The following PRUNE2 variants were observed in gnomAD, a reference collection of about 807,000 sequenced individuals.
The protein encoded by PRUNE2 is protein prune homolog 2.
Under a neutral mutation model 252.0 loss-of-function variants are expected in PRUNE2, and 164 were observed. The ratio of observed to expected loss-of-function variants is 0.65; its 90% confidence interval spans 0.57 to 0.74. PRUNE2 has a LOEUF of 0.74. Among genes scored for constraint, PRUNE2 ranks in the 30% least tolerant of loss-of-function variants. The pLI, the probability that PRUNE2 is intolerant of heterozygous loss-of-function variation, is 0.00. For synonymous variants in PRUNE2, 1,292 were observed against 1,350.2 expected, an observed-to-expected ratio of 0.96 and a Z score of 0.94; for missense variants, 3,495 against 3,711.0, an observed-to-expected ratio of 0.94 and a Z score of 1.51.
chr9:76,709,008 T>C lies in PRUNE2; in HGVS notation c.3266A>G (p.Asn1089Ser), dbSNP rs558408897. ...AAGTGTGAGTTGTCGGTTTGTTTCA[T>C]TGTACAGTTGCATCATGCTGGGGTC... The part of the protein sequence containing the change: ...YDDPSMMQLY[N>S]ETNRQLTLLH... The change falls in exon 8 of 19, where the codon AAT (asparagine) becomes AGT (serine). Residue 1089 changes from asparagine (N) to serine (S), a missense_variant. By Grantham distance (46) the Asn-to-Ser change is conservative. Coordinates refer to ENST00000376718, the MANE Select transcript of PRUNE2 (RefSeq NM_015225.3). 841 of 1,614,052 alleles carry C rather than the reference T, an allele frequency of 5.2e-4. 9 individuals carry two copies. In the South Asian group the frequency reaches 7.3e-3, roughly 14 times the overall value.
chr9:76,843,054 A>G (rs2059478079), intron 4 of PRUNE2, among the ~76,000 whole-genome samples: 1 of 151,526 alleles, frequency 6.6e-6, no homozygotes, highest in African/African-American at 2.4e-5. Flanking sequence ...CTATTCACAA[A>G]GACTTGGAAC....
At chr9:76,763,904 T>A (rs2052023925) in intron 6 of PRUNE2, among the ~76,000 whole-genome samples, 1 of 152,222 alleles carries the variant, frequency 6.6e-6, no homozygotes. Flanking sequence ...TGCCATGGAC[T>A]AAGCACTTCG....
Position 76,711,107 on chromosome 9 carries a change from A to G in PRUNE2, c.1167T>C (p.Tyr389=), listed in dbSNP as rs756631371. 9 of 1,613,866 alleles carry G rather than the reference A, an allele frequency of 5.6e-6. No homozygotes were observed. Among genetic ancestry groups the G allele is most frequent in the Non-Finnish European group, 6.8e-6 (8 of 1,179,888 alleles). The part of the protein sequence containing the change: ...SQGSSGIMEL[Y]GSDIEPQPSS... The stretch of plus-strand genomic sequence containing the variant: ...TGGGTTGTGGCTCTATGTCAGAACC[A>G]TACAATTCCATAATCCCAGAAGACC... Residue 389 remains tyrosine (Y), a synonymous_variant, in exon 8 of 19, where the codon TAT becomes TAC. Coordinates refer to ENST00000376718, the MANE Select transcript of PRUNE2 (RefSeq NM_015225.3).
chr9:76,750,748 A>G (rs2050539058), intron 6 of PRUNE2, among the ~76,000 whole-genome samples: 1 of 152,218 alleles, frequency 6.6e-6, no homozygotes, highest in African/African-American at 2.4e-5. Context: ...ACATGCTCAC[A>G]TTTGCCTTGT....
intron 9 of PRUNE2, chr9:76,692,183 A>T: frequency 1.4e-6 from 1 of 717,112 alleles, no homozygotes; most frequent in Non-Finnish European, 2.6e-6. Context: ...ATTCGCCTCC[A>T]TTTTCTGGTC....
At chr9:76,671,872 A>G (rs1289961510) in intron 9 of PRUNE2, among the ~76,000 whole-genome samples, 2 of 152,100 alleles carry the variant, frequency 1.3e-5, no homozygotes, top group African/African-American at 4.8e-5. Flanking sequence ...TGTCACCACC[A>G]GGCCTGCCTT....
intron 1 of PRUNE2, among the ~76,000 whole-genome samples, chr9:76,870,685 C>CA (rs199892073): frequency 0.098 from 8,075 of 82,182 alleles, 449 homozygotes; most frequent in African/African-American, 0.21. Context: ...GATTCTGTCT[C>CA]AAAAAAAAAA....
intron 4 of PRUNE2, among the ~76,000 whole-genome samples, chr9:76,837,104 G>A (rs1020156333): frequency 2.6e-5 from 4 of 151,780 alleles, no homozygotes; most frequent in South Asian, 2.1e-4. Flanking sequence ...AAGAAATTTG[G>A]AGCAGAAAAT....
At chr9:76,636,142 T>G (rs1839970017) in intron 15 of PRUNE2, among the ~76,000 whole-genome samples, 1 of 152,228 alleles carries the variant, frequency 6.6e-6, no homozygotes, top group Admixed American at 6.5e-5. Flanking sequence ...CTTTCTATTC[T>G]CTACATAATA....
intron 6 of PRUNE2, among the ~76,000 whole-genome samples, chr9:76,773,179 T>C (rs541760220): frequency 6.6e-6 from 1 of 152,368 alleles, no homozygotes; most frequent in South Asian, 2.1e-4. Context: ...TCTTTTGTTG[T>C]TGTTGGGATT....
intron 1 of PRUNE2, among the ~76,000 whole-genome samples, chr9:76,890,182 T>A (rs1350522159): frequency 2.0e-5 from 3 of 152,216 alleles, no homozygotes; most frequent in African/African-American, 7.2e-5. Flanking sequence ...TTTCCAGCTC[T>A]GCAAACTGGG....
chr9:76,794,194 A>G (rs543033880), intron 6 of PRUNE2, among the ~76,000 whole-genome samples: 1 of 152,192 alleles, frequency 6.6e-6, no homozygotes, highest in Admixed American at 6.5e-5. Context: ...TTTTTCACCA[A>G]CGAGATACGG....
chr9:76,869,291 G>A (rs965874987), intron 1 of PRUNE2: 17 of 152,258 alleles, frequency 1.1e-4, no homozygotes, highest in Non-Finnish European at 2.1e-4. Context: ...ATTGTTTCCA[G>A]TACGGTGCAG....
chr9:76,671,868 C>T (rs549035866), intron 9 of PRUNE2, among the ~76,000 whole-genome samples: 4 of 151,790 alleles, frequency 2.6e-5, no homozygotes, highest in South Asian at 2.1e-4. Context: ...ATTTTGTCAC[C>T]ACCAGGCCTG....
At chr9:76,699,236 T>C (rs969864926) in intron 9 of PRUNE2, among the ~76,000 whole-genome samples, 5 of 152,146 alleles carry the variant, frequency 3.3e-5, no homozygotes, top group African/African-American at 1.2e-4. Flanking sequence ...AGATAGTGAC[T>C]TTTAAAATTT....
intron 1 of PRUNE2, among the ~76,000 whole-genome samples, chr9:76,893,032 A>G (rs6560561): frequency 0.64 from 98,058 of 152,056 alleles, 32,981 homozygotes; most frequent in African/African-American, 0.85. Context: ...AACATGACAA[A>G]AGTTCGAGAC....
intron 15 of PRUNE2, among the ~76,000 whole-genome samples, chr9:76,633,650 G>T (rs1453685862): frequency 6.6e-6 from 1 of 151,806 alleles, no homozygotes; most frequent in Non-Finnish European, 1.5e-5. Flanking sequence ...GGCTGCTTTT[G>T]CTCTATAATG....
In PRUNE2 at chr9:76,611,437, A is replaced by G. The variant is rs529326528; in HGVS notation, c.*3133T>C. The G allele has an allele frequency of 3.3e-5, 5 of 152,358 alleles. 1 individual carries two copies. In the South Asian group the frequency reaches 1.0e-3, roughly 32 times the overall value. 9.4% of individuals were successfully genotyped at this position (152,358 alleles called of 1,614,324 possible). Reference sequence around the variant, plus strand: ...GGCTATATAGATATATTGTGTCATTAAAGACTTTTATATTATTAATCTACA... The same window carrying G: ...GGCTATATAGATATATTGTGTCATTGAAGACTTTTATATTATTAATCTACA... On this transcript the variant is annotated 3_prime_UTR_variant, in exon 19 of 19. Transcript: ENST00000376718.
At chr9:76,879,309 T>C (rs2133242056) in intron 1 of PRUNE2, among the ~76,000 whole-genome samples, 1 of 152,350 alleles carries the variant, frequency 6.6e-6, no homozygotes, top group South Asian at 2.1e-4. Context: ...GTAATACATG[T>C]TGGGGCCATC....
Sources: gnomAD v4.1 joint callset for allele counts (sites outside exome capture counted in the v4.1 genomes callset) on GRCh38, gnomAD v4.1.1 for gene constraint, MANE v1.5 for transcripts, NCBI Gene and HGNC (gene_info 2026-07-23, HGNC 2026-07-21) for gene names.